Variants in MAPK1IP1L observed in about 807,000 individuals in gnomAD.
MAPK1IP1L encodes the protein mitogen-activated protein kinase 1 interacting protein 1 like.
A neutral mutation model predicts 18.1 loss-of-function variants in MAPK1IP1L; 10 were observed. The ratio of observed to expected loss-of-function variants is 0.55; its 90% CI spans 0.34 to 0.94. The LOEUF (loss-of-function observed/expected upper bound fraction) is 0.94, where lower values mean the gene tolerates loss of function less well. Among genes scored for constraint, MAPK1IP1L ranks in the 40% least tolerant of loss-of-function variants. The pLI, the probability that MAPK1IP1L is intolerant of heterozygous loss-of-function variation, is 0.02. For missense variants in MAPK1IP1L, 260 were observed against 318.2 expected, an observed-to-expected ratio of 0.82 and a Z score of 1.39; for synonymous variants, 115 against 117.3, an observed-to-expected ratio of 0.98 and a Z score of 0.13.
rs1263720785 is a variant in MAPK1IP1L, at chr14:55,069,202, C to T, written c.*4575C>T. 1.3e-5 allele frequency: 2 copies of T among 152,410 alleles called. No homozygotes were observed. Among genetic ancestry groups the T allele is most frequent in the Non-Finnish European group, 2.9e-5 (2 of 68,020 alleles). The allele number at this position is 152,410 out of a possible 1,614,324, so 9.4% of individuals were successfully genotyped here. The stretch of plus-strand genomic sequence containing the variant: ...GTGAACTTGACTTCTTATGTGTGCT[C>T]TATGAGTTTGTTGTAATTTTCTTCT... On this transcript the variant is annotated 3_prime_UTR_variant, in exon 4 of 4. Transcript: ENST00000395468.
chr14:55,053,773 T>C (rs2042749117), intron 1 of MAPK1IP1L, among the ~76,000 whole-genome samples: 1 of 152,186 alleles, frequency 6.6e-6, no homozygotes, highest in African/African-American at 2.4e-5. Flanking sequence ...GCTCTTTCCT[T>C]ATGGTCCTTA....
At chr14:55,052,813 C>T (rs765340826) in intron 1 of MAPK1IP1L, among the ~76,000 whole-genome samples, 15 of 152,184 alleles carry the variant, frequency 9.9e-5, no homozygotes, top group Non-Finnish European at 1.0e-4. Flanking sequence ...GAGTGAATTG[C>T]AAATATTGGA....
At chr14:55,063,593 C>A (rs2042837698) in intron 3 of MAPK1IP1L, among the ~76,000 whole-genome samples, 1 of 152,146 alleles carries the variant, frequency 6.6e-6, no homozygotes, top group African/African-American at 2.4e-5. Flanking sequence ...TCAATAGCAT[C>A]CTTTAGGTAA....
Position 55,063,129 on chromosome 14 carries a change from C to T in MAPK1IP1L, c.530C>T (p.Pro177Leu). 2 of 1,613,848 alleles carry T rather than the reference C, an allele frequency of 1.2e-6. No individual in the cohort carries two copies. The highest frequency in any genetic ancestry group is 1.1e-5 in the South Asian group (1 of 91,062). The change falls in exon 3 of 4, where the codon CCT becomes CTT. Residue 177 changes from proline (P) to leucine (L), a missense_variant. Pro to Leu is a moderately conservative substitution (Grantham distance 98). Transcript: ENST00000395468. ...PYPSPGPYPA[P>L]PPPQAPGAAP... ...CCATCTCCAGGCCCATATCCCGCTC[C>T]TCCTCCTCCCCAAGCCCCTGGGGCA... is the stretch of plus-strand genomic sequence containing the variant.
Position 55,056,882 on chromosome 14 carries a change from G to C in MAPK1IP1L, c.-4-4798G>C, listed in dbSNP as rs572142697. On this transcript the variant is annotated intron_variant, in intron 1 of 3. Coordinates refer to ENST00000395468, the MANE Select transcript of MAPK1IP1L (RefSeq NM_144578.4). ...TTGGGTTCTTGTCCTTTATGTTCTT[G>C]TCCTTTCCTCATGATAATCAAATCA... Among the ~76,000 whole-genome samples, 21 of 152,192 alleles carry C rather than the reference G, an allele frequency of 1.4e-4. 1 individual carries two copies. In the South Asian group the frequency reaches 4.4e-3, roughly 32 times the overall value.
intron 1 of MAPK1IP1L, among the ~76,000 whole-genome samples, chr14:55,058,331 T>G (rs1216159354): frequency 1.3e-5 from 2 of 152,220 alleles, no homozygotes; most frequent in Non-Finnish European, 2.9e-5. Context: ...GAGGACCTGC[T>G]ATAGACTAAA....
At chr14:55,059,759 G>A (rs760409416) in intron 1 of MAPK1IP1L, among the ~76,000 whole-genome samples, 3 of 152,094 alleles carry the variant, frequency 2.0e-5, no homozygotes, top group Non-Finnish European at 4.4e-5. Flanking sequence ...AACTGGGGGT[G>A]AAAATAAAAT....
chr14:55,063,877 T>C (rs1453525846), intron 3 of MAPK1IP1L: 1 of 152,474 alleles, frequency 6.6e-6, no homozygotes, highest in Non-Finnish European at 1.5e-5. Context: ...GTTAACATCT[T>C]AGTTGAGGAG....
chr14:55,061,814 G>A, intron 2 of MAPK1IP1L, 113 bp downstream of exon 2: 2 of 840,430 alleles, frequency 2.4e-6, no homozygotes, highest in East Asian at 3.0e-5. Context: ...AACCAGGCAT[G>A]GTGGTGTGCA....
At position 55,063,052 on chromosome 14, in the gene MAPK1IP1L, A is replaced by G; in HGVS notation, c.453A>G (p.Gly151=). 1 of 1,613,744 alleles carries G rather than the reference A, an allele frequency of 6.2e-7. No individual in the cohort carries two copies. The highest frequency in any genetic ancestry group is 8.5e-7 in the Non-Finnish European group (1 of 1,179,920). Reference sequence around the variant, plus strand: ...GTCCATGGGGATCCATGTCTTCTGGACCTTGGGCGCCAGGAATGGGAGGGC... The same window carrying G: ...GTCCATGGGGATCCATGTCTTCTGGGCCTTGGGCGCCAGGAATGGGAGGGC... The part of the protein sequence containing the change: ...PLGPWGSMSS[G]PWAPGMGGQY... The change falls in exon 3 of 4, where the codon GGA becomes GGG. Residue 151 remains glycine, a synonymous_variant. Transcript: ENST00000395468.
In MAPK1IP1L at chr14:55,067,170, C is replaced by T. The variant is rs1457740896; in HGVS notation, c.*2543C>T. On this transcript the variant is annotated 3_prime_UTR_variant, in exon 4 of 4. Transcript: ENST00000395468. ...CTGCCCGCCTTGGCTTCCCAAAGTG[C>T]TGGGATTACAGGCGTGAGCCACCAC... 6.8e-6 allele frequency: 1 copy of T among 147,334 alleles called. No individual in the cohort carries two copies. The highest frequency in any genetic ancestry group is 2.5e-5 in the African/African-American group (1 of 39,702). The allele number at this position is 147,334 out of a possible 1,614,324, so 9.1% of individuals were successfully genotyped here.
intron 1 of MAPK1IP1L, among the ~76,000 whole-genome samples, chr14:55,053,140 A>C (rs767599111): frequency 7.9e-5 from 12 of 152,210 alleles, no homozygotes; most frequent in Non-Finnish European, 1.5e-4. Flanking sequence ...ATGGACCTAA[A>C]AGTAGGCATC....
At position 55,065,343 on chromosome 14, in the gene MAPK1IP1L, A is replaced by G. The variant is rs886073065; in HGVS notation, c.*716A>G. The G allele has an allele frequency of 6.6e-6, 1 of 152,176 alleles. No individual in the cohort carries two copies. The highest frequency in any genetic ancestry group is 1.5e-5 in the Non-Finnish European group (1 of 68,028). The allele number at this position is 152,176 out of a possible 1,614,324, so 9.4% of individuals were successfully genotyped here. On this transcript the variant is annotated 3_prime_UTR_variant, in exon 4 of 4. Coordinates refer to ENST00000395468, the MANE Select transcript of MAPK1IP1L (RefSeq NM_144578.4). ...ACATGTATGTAAATTAAATTTTTAG[A>G]TAATTGATTATCTCTTTGTACTACT...
chr14:55,052,230 C>G (rs936791148), intron 1 of MAPK1IP1L, among the ~76,000 whole-genome samples: 1 of 152,082 alleles, frequency 6.6e-6, no homozygotes, highest in Non-Finnish European at 1.5e-5. Context: ...CCTCGCGCCC[C>G]TTGGCCCCGA....
chr14:55,052,758 C>T (rs1037949094), intron 1 of MAPK1IP1L, among the ~76,000 whole-genome samples: 3 of 152,184 alleles, frequency 2.0e-5, no homozygotes, highest in Non-Finnish European at 4.4e-5. Flanking sequence ...TTCATGCTGG[C>T]ATCTCTGAGC....
chr14:55,061,554 C>G (rs1265935720), intron 1 of MAPK1IP1L, 126 bp from the exon 2 acceptor site: 1 of 668,326 alleles, frequency 1.5e-6, no homozygotes, highest in Non-Finnish European at 2.5e-6. Context: ...AAACACATTA[C>G]ATAAATAAGA....
chr14:55,055,638 A>T (rs2042765418), intron 1 of MAPK1IP1L, among the ~76,000 whole-genome samples: 6 of 152,120 alleles, frequency 3.9e-5, no homozygotes. Context: ...GCCCCATTTA[A>T]AACTTAGGAA....
chr14:55,059,828 A>G (rs1449406102), intron 1 of MAPK1IP1L, among the ~76,000 whole-genome samples: 1 of 152,160 alleles, frequency 6.6e-6, no homozygotes, highest in Non-Finnish European at 1.5e-5. Flanking sequence ...ACCATGTTCC[A>G]TGTTTCATGG....
rs546332035 is a variant in MAPK1IP1L, at chr14:55,068,119, A to G, written c.*3492A>G. 1 of 152,344 alleles carries G rather than the reference A, an allele frequency of 6.6e-6. No individual in the cohort carries two copies. Among genetic ancestry groups the G allele is most frequent in the South Asian group, 2.1e-4 (1 of 4,824 alleles). 9.4% of individuals were successfully genotyped at this position (152,344 alleles called of 1,614,324 possible). On this transcript the variant is annotated 3_prime_UTR_variant, in exon 4 of 4. Transcript: ENST00000395468. ...GACTCAGCCCTATTTTGTGTAAAGT[A>G]ATATATTGATTATTCAGAAATAGAC...
Sources: allele counts gnomAD v4.1 joint callset (sites outside exome capture counted in the v4.1 genomes callset), GRCh38; gene constraint gnomAD v4.1.1; transcripts MANE v1.5; gene names NCBI Gene and HGNC (gene_info 2026-07-23, HGNC 2026-07-21).